Variants in APCDD1 observed in about 807,000 individuals in gnomAD.
APCDD1 encodes the protein protein APCDD1.
APCDD1 carries 15 observed loss-of-function variants against 38.1 expected under a neutral mutation model. That is an observed-to-expected ratio of 0.39 (90% CI 0.26 to 0.61). The LOEUF (loss-of-function observed/expected upper bound fraction) is 0.61. APCDD1 is among the 20% of genes least tolerant of loss of function. The pLI is 0.49. For missense variants in APCDD1, 647 were observed against 696.2 expected, an observed-to-expected ratio of 0.93 and a Z score of 0.79; for synonymous variants, 261 against 279.7, an observed-to-expected ratio of 0.93 and a Z score of 0.67.
intron 3 of APCDD1, among the ~76,000 whole-genome samples, chr18:10,484,654 A>G (rs1478693162): frequency 6.6e-6 from 1 of 152,156 alleles, no homozygotes; most frequent in Non-Finnish European, 1.5e-5. Flanking sequence ...TAGGAACCTC[A>G]TATAAGTGAC....
Position 10,471,405 on chromosome 18 carries a change from G to C in APCDD1, c.243-125G>C. 7.9e-7 allele frequency: 1 copy of C among 1,267,774 alleles called. No individual in the cohort carries two copies. Among genetic ancestry groups the C allele is most frequent in the Non-Finnish European group, 1.1e-6 (1 of 899,154 alleles). The allele number at this position is 1,267,774 out of a possible 1,614,324, so 78.5% of individuals were successfully genotyped here. ...AATGAGTTGGTATCTATAAAGGGCT[G>C]ACAACAGAGTCTGGCCCATCGTCAG... On this transcript the variant is annotated intron_variant, in intron 2 of 4. Transcript: ENST00000355285. This position sits in a 1 kb window ranked among gnomAD's most constrained non-coding sequence, Gnocchi z 5.5.
chr18:10,474,763 G>C lies in APCDD1; in HGVS notation c.774+2702G>C, dbSNP rs115768357. 3.3e-3 allele frequency among the ~76,000 whole-genome samples: 499 copies of C among 152,338 alleles called. 1 individual carries two copies. The highest frequency in any genetic ancestry group is 0.011 in the African/African-American group (477 of 41,578). ...AAGGCTGGCGCCCAGGGGTACTCCAGGAGGGGACACTTCATTCCCGTCAAT... is the reference window on the plus strand; with the variant it reads ...AAGGCTGGCGCCCAGGGGTACTCCACGAGGGGACACTTCATTCCCGTCAAT... On this transcript the variant is annotated intron_variant, in intron 3 of 4. Transcript: ENST00000355285.
At position 10,487,998 on chromosome 18, in the gene APCDD1, C is replaced by A. The variant is rs761463581; in HGVS notation, c.1505C>A (p.Ala502Asp). Reference protein sequence around the residue: ...HTWSLLLAALACLVPLLHWNI... With the variant: ...HTWSLLLAALDCLVPLLHWNI... The stretch of plus-strand genomic sequence containing the variant: ...TGGTCCCTGCTGCTGGCTGCACTTG[C>A]CTGCCTTGTCCCTCTGCTGCATTGG... Residue 502 changes from alanine (A) to aspartate (D), a missense_variant, in exon 5 of 5, where the codon GCC (alanine) becomes GAC (aspartate). Transcript: ENST00000355285. 1 of 1,613,892 alleles carries A rather than the reference C, an allele frequency of 6.2e-7. No individual in the cohort carries two copies. Among genetic ancestry groups the A allele is most frequent in the South Asian group, 1.1e-5 (1 of 91,084 alleles).
Position 10,472,194 on chromosome 18 carries a change from C to A in APCDD1, c.774+133C>A. ...CATGGCGGGGCAGGCCAAGGTGGGG[C>A]TGCTGCGAGGTGGGAGGAGATGGGA... On this transcript the variant is annotated intron_variant, in intron 3 of 4. Transcript: ENST00000355285. The surrounding 1 kb of genome is among the most constrained non-coding windows in gnomAD (Gnocchi z 6.6). 7.7e-7 allele frequency: 1 copy of A among 1,295,994 alleles called. No individual in the cohort carries two copies. Among genetic ancestry groups the A allele is most frequent in the Non-Finnish European group, 1.1e-6 (1 of 917,850 alleles). 80.3% of individuals were successfully genotyped at this position (1,295,994 alleles called of 1,614,324 possible).
rs756242200 is a variant in APCDD1 at position 10,471,663 on chromosome 18, G to A, written c.376G>A (p.Gly126Ser). 6.2e-7 allele frequency: 1 copy of A among 1,614,114 alleles called. No individual in the cohort carries two copies. Among genetic ancestry groups the A allele is most frequent in the South Asian group, 1.1e-5 (1 of 91,076 alleles). ...TCCCACTTATACTCTCATCATCCGG[G>A]GCAAGATCCGCCTCCGCCAGGCCTC... ...TNPTYTLIIR[G>S]KIRLRQASWI... The change falls in exon 3 of 5, where the codon GGC becomes AGC. Residue 126 changes from glycine to serine, a missense_variant. Gly to Ser is a moderately conservative substitution (Grantham distance 56). Transcript: ENST00000355285. The surrounding 1 kb of genome is among the most constrained non-coding windows in gnomAD (Gnocchi z 5.5).
At chr18:10,459,316 G>GCGCACACACA (rs1555643899) in intron 1 of APCDD1, among the ~76,000 whole-genome samples, 30 of 150,146 alleles carry the variant, frequency 2.0e-4, no homozygotes, top group African/African-American at 6.6e-4. Flanking sequence ...CCACAAGCGT[G>GCGCACACACA]CACACACACA....
chr18:10,487,850 G>A lies in APCDD1; in HGVS notation c.1357G>A (p.Glu453Lys). The change falls in exon 5 of 5, where the codon GAG (glutamate) becomes AAG (lysine). Residue 453 changes from glutamate to lysine, a missense_variant. Physicochemically the swap from Glu to Lys is moderately conservative, Grantham distance 56. Transcript: ENST00000355285. The part of the protein sequence containing the change: ...PSDGSSPDRP[E>K]KRATSYQMPL... ...CGACGGGTCCAGCCCAGACAGGCCA[G>A]AGAAGAGAGCCACGTCCTACCAGAT... 6.2e-7 allele frequency: 1 copy of A among 1,613,892 alleles called. No individual in the cohort carries two copies. Among genetic ancestry groups the A allele is most frequent in the Non-Finnish European group, 8.5e-7 (1 of 1,180,042 alleles).
rs1393426999 is a variant in APCDD1, at chr18:10,454,842, C to A, written c.-140C>A. 9.6e-7 allele frequency: 1 copy of A among 1,037,994 alleles called. No individual in the cohort carries two copies. Among genetic ancestry groups the A allele is most frequent in the Non-Finnish European group, 1.2e-6 (1 of 865,382 alleles). 64.3% of individuals were successfully genotyped at this position (1,037,994 alleles called of 1,614,324 possible). On this transcript the variant is annotated 5_prime_UTR_variant, in exon 1 of 5. Transcript: ENST00000355285. ...GCAGCCCCGCGCCTAGCCCGCCGGG[C>A]ATGGGGCGCGCGGCAGCCGCCTGAA...
In APCDD1 at chr18:10,455,151, T is replaced by G. The variant is rs2030343512; in HGVS notation, c.58+112T>G. On this transcript the variant is annotated intron_variant, in intron 1 of 4. Transcript: ENST00000355285. Reference sequence around the variant, plus strand: ...CGCGGCACGGCCTACACTGTCCCCTTGGCGGGGCGGGTCCGAGGGGAGCCC... The same window carrying G: ...CGCGGCACGGCCTACACTGTCCCCTGGGCGGGGCGGGTCCGAGGGGAGCCC... The G allele has an allele frequency of 2.7e-6, 4 of 1,455,222 alleles. No individual in the cohort carries two copies. The East Asian group carries it at 1.1e-4, about 41-fold the overall frequency. 90.1% of individuals were successfully genotyped at this position (1,455,222 alleles called of 1,614,324 possible).
chr18:10,462,382 G>GCTTC (rs555962812), intron 1 of APCDD1, among the ~76,000 whole-genome samples: 3 of 151,270 alleles, frequency 2.0e-5, no homozygotes, highest in South Asian at 4.2e-4. Flanking sequence ...TAAATTACTT[G>GCTTC]CTTCCTTCCT....
intron 4 of APCDD1, among the ~76,000 whole-genome samples, 172 bp from the exon 5 acceptor site, chr18:10,487,418 C>T (rs932740002): frequency 1.3e-5 from 2 of 152,280 alleles, no homozygotes; most frequent in Middle Eastern, 3.4e-3. Context: ...AACTCTTCTC[C>T]GCCTGACAGT....
At chr18:10,458,937 A>ATTT (rs2030454932) in intron 1 of APCDD1, among the ~76,000 whole-genome samples, 5 of 152,218 alleles carry the variant, frequency 3.3e-5, no homozygotes, top group Non-Finnish European at 1.5e-5. Context: ...TACATAGGCC[A>ATTT]TTGCTTAGTC....
intron 3 of APCDD1, among the ~76,000 whole-genome samples, chr18:10,481,449 A>G (rs2031134837): frequency 1.3e-5 from 2 of 152,190 alleles, no homozygotes; most frequent in South Asian, 4.1e-4. Context: ...AAAGACAAAT[A>G]GTGATAGTTC....
intron 3 of APCDD1, among the ~76,000 whole-genome samples, chr18:10,478,961 T>A (rs1332138468): frequency 6.6e-6 from 1 of 152,186 alleles, no homozygotes; most frequent in Non-Finnish European, 1.5e-5. Flanking sequence ...TCCATTTAAT[T>A]CTTTACATGT....
chr18:10,467,418 T>C lies in APCDD1; in HGVS notation c.59-1051T>C, dbSNP rs1339932360. Among the ~76,000 whole-genome samples, 2 of 152,216 alleles carry C rather than the reference T, an allele frequency of 1.3e-5. No individual in the cohort carries two copies. The highest frequency in any genetic ancestry group is 2.9e-5 in the Non-Finnish European group (2 of 68,034). ...TCTTTTCTGCTAACACAGGGCTAAA[T>C]ACGTAGTAGGTCCGCCATAAATGCC... On this transcript the variant is annotated intron_variant, in intron 1 of 4. Transcript: ENST00000355285. This position sits in a 1 kb window ranked among gnomAD's most constrained non-coding sequence, Gnocchi z 4.8.
At position 10,472,130 on chromosome 18, in the gene APCDD1, G is replaced by C. The variant is rs1294269878; in HGVS notation, c.774+69G>C. The stretch of plus-strand genomic sequence containing the variant: ...GTGATCCTTCTTAAAGGCTTGCCAT[G>C]GGGGCTCTAGGGCACCCTTGAAAGG... On this transcript the variant is annotated intron_variant, in intron 3 of 4. Coordinates refer to ENST00000355285, the MANE Select transcript of APCDD1 (RefSeq NM_153000.5). The surrounding 1 kb of genome is among the most constrained non-coding windows in gnomAD (Gnocchi z 6.6). The C allele has an allele frequency of 6.3e-7, 1 of 1,597,154 alleles. No homozygotes were observed. Among genetic ancestry groups the C allele is most frequent in the African/African-American group, 1.3e-5 (1 of 74,642 alleles).
intron 3 of APCDD1, among the ~76,000 whole-genome samples, chr18:10,484,219 C>A (rs1271317838): frequency 6.6e-6 from 1 of 152,242 alleles, no homozygotes; most frequent in African/African-American, 2.4e-5. Context: ...TGGAGGCGGG[C>A]AGACCGGGAC....
At position 10,466,423 on chromosome 18, in the gene APCDD1, T is replaced by C. The variant is rs369019267; in HGVS notation, c.59-2046T>C. ...TGTAGATGGGTGCCCATGATAGGAG[T>C]GCTCATAGTTCCCCCCGAATGTTTC... is the stretch of plus-strand genomic sequence containing the variant. On this transcript the variant is annotated intron_variant, in intron 1 of 4. Coordinates refer to ENST00000355285, the MANE Select transcript of APCDD1 (RefSeq NM_153000.5). 3.6e-5 allele frequency among the ~76,000 whole-genome samples: 5 copies of C among 137,870 alleles called. No homozygotes were observed. In the East Asian group the frequency reaches 1.1e-3, roughly 29 times the overall value. The allele number at this position is 137,870 out of a possible 152,430, so 90.4% of individuals were successfully genotyped here.
Position 10,472,109 on chromosome 18 carries a change from T to C in APCDD1, c.774+48T>C, listed in dbSNP as rs767785802. On this transcript the variant is annotated intron_variant, in intron 3 of 4. Coordinates refer to ENST00000355285, the MANE Select transcript of APCDD1 (RefSeq NM_153000.5). This position sits in a 1 kb window ranked among gnomAD's most constrained non-coding sequence, Gnocchi z 6.6. The stretch of plus-strand genomic sequence containing the variant: ...CCTCTTTATTGAGTAAAGTGGGTGA[T>C]CCTTCTTAAAGGCTTGCCATGGGGG... 3.7e-6 allele frequency: 6 copies of C among 1,610,430 alleles called. No homozygotes were observed. In the South Asian group the frequency reaches 6.6e-5, roughly 18 times the overall value.
Sources: allele counts gnomAD v4.1 joint callset (sites outside exome capture counted in the v4.1 genomes callset), GRCh38; gene constraint gnomAD v4.1.1; non-coding constraint Gnocchi (gnomAD v3.1); transcripts MANE v1.5; gene names NCBI Gene and HGNC (gene_info 2026-07-23, HGNC 2026-07-21).